PRKD1: variants seen among roughly 807,000 people sequenced by gnomAD.
PRKD1 encodes the protein protein kinase D1.
PRKD1 carries 63 observed loss-of-function variants against 95.9 expected under a neutral mutation model. The observed-to-expected ratio is 0.66, with a 90% CI of 0.54 to 0.81. The LOEUF is 0.81. Ranked by LOEUF, PRKD1 falls within the 30% of genes least tolerant of loss-of-function variation. The pLI is 0.00. For synonymous variants in PRKD1, 425 were observed against 423.1 expected (o/e 1.00, Z -0.05); for missense variants, 1,048 against 1,165.3 (o/e 0.90, Z 1.47).
intron 1 of PRKD1, among the ~76,000 whole-genome samples, chr14:29,746,664 C>T (rs1015142344): frequency 6.6e-6 from 1 of 152,126 alleles, no homozygotes; most frequent in Admixed American, 6.6e-5. Flanking sequence ...AGTCAATAAA[C>T]AGTCATCGAA....
intron 1 of PRKD1, among the ~76,000 whole-genome samples, chr14:29,869,914 G>A (rs1893043920): frequency 6.6e-6 from 1 of 152,116 alleles, no homozygotes; most frequent in East Asian, 1.9e-4. Context: ...ACTGGCGAGA[G>A]GTGGGTATCT....
At chr14:29,768,616 T>C (rs909032151) in intron 1 of PRKD1, among the ~76,000 whole-genome samples, 7 of 152,126 alleles carry the variant, frequency 4.6e-5, no homozygotes, top group African/African-American at 1.7e-4. Context: ...AACTACTTCA[T>C]TGCCTACGAG....
Position 29,927,236 on chromosome 14 carries a change from T to G in PRKD1, c.264+13A>C. On this transcript the variant is annotated intron_variant, in intron 1 of 17. Transcript: ENST00000331968. ...CGGGGAGGCGCCGGGCTGGCAGCGG[T>G]GCGGCGACTTACCTTCTGGTCGACA... The G allele has an allele frequency of 2.7e-6, 4 of 1,487,290 alleles. No homozygotes were observed. Among genetic ancestry groups the G allele is most frequent in the Non-Finnish European group, 3.6e-6 (4 of 1,118,266 alleles). 92.1% of individuals were successfully genotyped at this position (1,487,290 alleles called of 1,614,324 possible).
chr14:29,926,656 T>C (rs1311231299), intron 1 of PRKD1, among the ~76,000 whole-genome samples: 1 of 152,266 alleles, frequency 6.6e-6, no homozygotes. Context: ...GTCGCAACTT[T>C]CAGGTTTTGT....
chr14:29,666,330 A>C, intron 2 of PRKD1, 122 bp from the exon 3 acceptor site: 1 of 1,036,838 alleles, frequency 9.6e-7, no homozygotes, highest in Non-Finnish European at 1.3e-6. Context: ...TAGGGAAGAT[A>C]AGATGCAACA....
At chr14:29,843,890 T>C (rs539750741) in intron 1 of PRKD1, among the ~76,000 whole-genome samples, 1 of 152,326 alleles carries the variant, frequency 6.6e-6, no homozygotes, top group South Asian at 2.1e-4. Flanking sequence ...CAGGCTTCAA[T>C]GAAAAGATGA....
chr14:29,860,220 A>G (rs1305555452), intron 1 of PRKD1, among the ~76,000 whole-genome samples: 1 of 152,230 alleles, frequency 6.6e-6, no homozygotes, highest in Non-Finnish European at 1.5e-5. Context: ...CGATTATAAA[A>G]CAGGCACCTT....
At chr14:29,646,638 C>T (rs1309825817) in intron 4 of PRKD1, among the ~76,000 whole-genome samples, 1 of 151,622 alleles carries the variant, frequency 6.6e-6, no homozygotes. Flanking sequence ...TTTTATATTT[C>T]GAAACTGTCT....
At chr14:29,697,380 A>C (rs1227420318) in intron 2 of PRKD1, among the ~76,000 whole-genome samples, 4 of 152,172 alleles carry the variant, frequency 2.6e-5, no homozygotes, top group Non-Finnish European at 5.9e-5. Context: ...ACAACTCCTA[A>C]CGTTTCTATA....
At chr14:29,784,351 C>T (rs546998852) in intron 1 of PRKD1, among the ~76,000 whole-genome samples, 1 of 152,158 alleles carries the variant, frequency 6.6e-6, no homozygotes, top group South Asian at 2.1e-4. Context: ...GTTCTTTTTG[C>T]TCAGTACTGC....
intron 16 of PRKD1, among the ~76,000 whole-genome samples, chr14:29,591,728 G>C (rs1361157939): frequency 6.6e-6 from 1 of 152,088 alleles, no homozygotes; most frequent in Non-Finnish European, 1.5e-5. Flanking sequence ...GTAATAGCTA[G>C]TTTTTACATT....
At position 29,599,110 on chromosome 14, in the gene PRKD1, G is replaced by A. The variant is rs757547062; in HGVS notation, c.2083C>T (p.Arg695Trp). 11 of 1,612,768 alleles carry A rather than the reference G, an allele frequency of 6.8e-6. No homozygotes were observed. Among genetic ancestry groups the A allele is most frequent in the Admixed American group, 3.3e-5 (2 of 59,940 alleles). The change falls in exon 15 of 18, where the codon CGG (arginine) becomes TGG (tryptophan). Residue 695 changes from arginine (R) to tryptophan (W), a missense_variant. Around this residue, in one of 3 missense-constraint regions of PRKD1, gnomAD observed 739 missense variants for 861.9 expected, o/e 0.86. Transcript: ENST00000331968. ...FLITQILVAL[R>W]HLHFKNIVHC... ...ACGATATTTTTAAAATGAAGGTGCC[G>A]CAAAGCCACGAGTATCTGTAAAGAA...
At chr14:29,664,819 T>C (rs1157093118) in intron 3 of PRKD1, among the ~76,000 whole-genome samples, 1 of 152,214 alleles carries the variant, frequency 6.6e-6, no homozygotes, top group Non-Finnish European at 1.5e-5. Context: ...ATGATAAAAT[T>C]ATGTTGTTGG....
At chr14:29,908,781 C>G (rs188574498) in intron 1 of PRKD1, among the ~76,000 whole-genome samples, 1 of 152,266 alleles carries the variant, frequency 6.6e-6, no homozygotes, top group African/African-American at 2.4e-5. Flanking sequence ...AGGAAGATAT[C>G]GAGTAAGAAC....
At chr14:29,863,547 C>T (rs528746203) in intron 1 of PRKD1, among the ~76,000 whole-genome samples, 7 of 152,218 alleles carry the variant, frequency 4.6e-5, no homozygotes, top group South Asian at 2.1e-4. Context: ...CTTCTGGACT[C>T]GATTTGGCTT....
intron 1 of PRKD1, among the ~76,000 whole-genome samples, chr14:29,773,602 G>C (rs1888607075): frequency 6.6e-6 from 1 of 151,922 alleles, no homozygotes; most frequent in Non-Finnish European, 1.5e-5. Context: ...TCTGTTTGTT[G>C]ATTCCTTTTG....
chr14:29,785,036 A>C (rs1231943448), intron 1 of PRKD1, among the ~76,000 whole-genome samples: 2 of 152,198 alleles, frequency 1.3e-5, no homozygotes, highest in African/African-American at 4.8e-5. Context: ...AACCCCGCTC[A>C]AAAGTGATCA....
chr14:29,830,142 C>A (rs1891345013), intron 1 of PRKD1, among the ~76,000 whole-genome samples: 1 of 152,162 alleles, frequency 6.6e-6, no homozygotes, highest in Admixed American at 6.5e-5. Context: ...GCATTTAAAG[C>A]ACATTGTTCG....
intron 1 of PRKD1, among the ~76,000 whole-genome samples, chr14:29,821,375 A>G (rs1212067461): frequency 6.6e-6 from 1 of 152,202 alleles, no homozygotes; most frequent in Non-Finnish European, 1.5e-5. Flanking sequence ...TTAGGTACTC[A>G]GTGACCATGG....
Sources: gnomAD v4.1 joint callset for allele counts (sites outside exome capture counted in the v4.1 genomes callset) on GRCh38, gnomAD v4.1.1 for gene constraint, gnomAD v4.1.1 regional missense constraint, MANE v1.5 for transcripts, NCBI Gene and HGNC (gene_info 2026-07-23, HGNC 2026-07-21) for gene names.